PLB1: variants seen among roughly 807,000 people sequenced by gnomAD.
The protein encoded by PLB1 is phospholipase B1, membrane-associated.
In PLB1, 242 loss-of-function variants were observed where a neutral mutation model predicts 227.4. The ratio of observed to expected loss-of-function variants is 1.06; its 90% CI spans 0.96 to 1.18. The LOEUF (loss-of-function observed/expected upper bound fraction) is 1.18. PLB1 is among the 50% of genes most tolerant of loss of function. The pLI, the probability that PLB1 is intolerant of heterozygous loss-of-function variation, is 0.00. For synonymous variants in PLB1, 757 were observed against 682.2 expected (o/e 1.11, Z -1.71); for missense variants, 1,858 against 1,816.3 (o/e 1.02, Z -0.42).
At chr2:28,516,503 G>A (rs923770514) in intron 1 of PLB1, among the ~76,000 whole-genome samples, 8 of 152,180 alleles carry the variant, frequency 5.3e-5, no homozygotes, top group Non-Finnish European at 1.2e-4. Context: ...CCTTTGCCAA[G>A]GAGCCCAAAA....
Position 28,531,972 on chromosome 2 carries a change from A to G in PLB1, c.469-136A>G, listed in dbSNP as rs542779983. On this transcript the variant is annotated intron_variant, in intron 8 of 57. Coordinates refer to ENST00000327757, the MANE Select transcript of PLB1 (RefSeq NM_153021.5). ...ATACCACTTTAAACTCCTGCCATAT[A>G]CTACTATTGAAAAAAATTCATACAT... The G allele has an allele frequency of 3.2e-4, 211 of 662,872 alleles. 1 individual carries two copies. The South Asian group carries it at 3.9e-3, about 12-fold the overall frequency. 41.1% of individuals were successfully genotyped at this position (662,872 alleles called of 1,614,324 possible). A position where few individuals can be genotyped will look rare whatever the true frequency, so the allele number is the denominator to read the frequency against.
intron 10 of PLB1, 33 bp downstream of exon 10, chr2:28,538,414 C>T (rs569378442): frequency 8.2e-6 from 13 of 1,594,418 alleles, no homozygotes; most frequent in East Asian, 6.7e-5. Flanking sequence ...TCCCCAAGGG[C>T]AGTGGGGCCC....
At chr2:28,534,366 A>C (rs937956585) in intron 9 of PLB1, among the ~76,000 whole-genome samples, 2 of 152,250 alleles carry the variant, frequency 1.3e-5, no homozygotes, top group Non-Finnish European at 2.9e-5. Context: ...GAAGTACATT[A>C]GTGAGTCAAA....
At chr2:28,578,628 A>C (rs1558812444) in intron 22 of PLB1, among the ~76,000 whole-genome samples, 1 of 152,296 alleles carries the variant, frequency 6.6e-6, no homozygotes, top group Non-Finnish European at 1.5e-5. Context: ...GTACCAAAAA[A>C]TAAAAGTAGA....
intron 1 of PLB1, among the ~76,000 whole-genome samples, chr2:28,515,418 T>A (rs1668731445): frequency 6.6e-6 from 1 of 152,198 alleles, no homozygotes; most frequent in Non-Finnish European, 1.5e-5. Context: ...CAGCACTTTG[T>A]GCTTGTCCAC....
chr2:28,642,842 C>A lies in PLB1; in HGVS notation c.4174-16C>A. On this transcript the variant is annotated splice_polypyrimidine_tract_variant and intron_variant, in intron 57 of 57. Transcript: ENST00000327757. ...CACGGAGATCCTTTCCACTGACCCC[C>A]GCTCCTCCTCCACAGGAGAGCCCTT... The A allele has an allele frequency of 1.3e-6, 2 of 1,567,976 alleles. No homozygotes were observed. The highest frequency in any genetic ancestry group is 2.3e-5 in the East Asian group (1 of 43,132).
At chr2:28,603,091 C>T (rs1478646501) in intron 39 of PLB1, among the ~76,000 whole-genome samples, 170 bp downstream of exon 39, 9 of 152,214 alleles carry the variant, frequency 5.9e-5, no homozygotes, top group Non-Finnish European at 8.8e-5. Flanking sequence ...AGCCATGACT[C>T]CCCTGTTACC....
intron 41 of PLB1, among the ~76,000 whole-genome samples, chr2:28,605,307 C>G (rs1293857602): frequency 6.6e-6 from 1 of 152,122 alleles, no homozygotes; most frequent in African/African-American, 2.4e-5. Context: ...TGAGGTCTGT[C>G]CCCCTGGGCT....
intron 56 of PLB1, among the ~76,000 whole-genome samples, chr2:28,637,053 GGAGGCC>G (rs1397887867): frequency 6.6e-6 from 1 of 152,086 alleles, no homozygotes; most frequent in Non-Finnish European, 1.5e-5. Flanking sequence ...CAGCACTTTG[GGAGGCC>G]GAGGCAGGCA....
At chr2:28,552,224 A>G (rs1674366971) in intron 16 of PLB1, among the ~76,000 whole-genome samples, 1 of 152,344 alleles carries the variant, frequency 6.6e-6, no homozygotes, top group Non-Finnish European at 1.5e-5. Context: ...CCACGACCTC[A>G]GTCTTGAAGG....
chr2:28,533,258 C>T (rs543926140), intron 9 of PLB1, among the ~76,000 whole-genome samples: 1 of 152,322 alleles, frequency 6.6e-6, no homozygotes, highest in African/African-American at 2.4e-5. Context: ...TGGAAATCCA[C>T]CTTCCTGACT....
chr2:28,532,274 A>C, intron 9 of PLB1, 80 bp downstream of exon 9: 1 of 1,159,888 alleles, frequency 8.6e-7, no homozygotes, highest in Non-Finnish European at 1.3e-6. Context: ...TGATTACCCA[A>C]TCCCCAGCTG....
chr2:28,534,863 T>G (rs559451872), intron 9 of PLB1, among the ~76,000 whole-genome samples: 4 of 86,122 alleles, frequency 4.6e-5, no homozygotes, highest in East Asian at 3.4e-4. Context: ...CAAAAGAAAA[T>G]AAAAAAAAAA....
chr2:28,595,834 A>T (rs553353440), intron 33 of PLB1: 5 of 152,084 alleles, frequency 3.3e-5, no homozygotes, highest in African/African-American at 1.2e-4. Context: ...TAGACCCAGA[A>T]TTCATGGGGG....
chr2:28,541,539 T>C (rs1459173061), intron 12 of PLB1, among the ~76,000 whole-genome samples, 168 bp from the exon 13 acceptor site: 1 of 152,204 alleles, frequency 6.6e-6, no homozygotes, highest in Non-Finnish European at 1.5e-5. Context: ...AGCTTAGCTA[T>C]CAAAGAGCCC....
intron 51 of PLB1, 85 bp downstream of exon 51, chr2:28,626,593 G>A (rs767749010): frequency 8.3e-7 from 1 of 1,210,714 alleles, no homozygotes; most frequent in Non-Finnish European, 1.2e-6. Context: ...CCCTGGCCCT[G>A]CCCCGAGCTC....
At chr2:28,541,968 AC>A (rs1389489263) in intron 13 of PLB1, among the ~76,000 whole-genome samples, 157 bp downstream of exon 13, 1 of 152,054 alleles carries the variant, frequency 6.6e-6, no homozygotes, top group East Asian at 1.9e-4. Context: ...CCCTGTCTCT[AC>A]TAAAAATACA....
At chr2:28,531,812 A>C (rs531580823) in intron 8 of PLB1, among the ~76,000 whole-genome samples, 1 of 152,352 alleles carries the variant, frequency 6.6e-6, no homozygotes, top group South Asian at 2.1e-4. Context: ...ATTGTAGCTG[A>C]ATCATTCACG....
At chr2:28,503,832 C>G (rs1667364231) in intron 1 of PLB1, among the ~76,000 whole-genome samples, 1 of 152,184 alleles carries the variant, frequency 6.6e-6, no homozygotes, top group South Asian at 2.1e-4. Flanking sequence ...TGAGTCAATG[C>G]AAGTTTCTGT....
Sources: allele counts gnomAD v4.1 joint callset (sites outside exome capture counted in the v4.1 genomes callset), GRCh38; gene constraint gnomAD v4.1.1; transcripts MANE v1.5; gene names NCBI Gene and HGNC (gene_info 2026-07-23, HGNC 2026-07-21).